Variants in EDIL3 observed in about 807,000 individuals in gnomAD.
EDIL3 encodes the protein EGF like and discoidin domains 3, also known as EGF-like repeat and discoidin I-like domain-containing protein 3.
EDIL3 carries 37 observed loss-of-function variants against 67.4 expected under a neutral mutation model. The ratio of observed to expected loss-of-function variants is 0.55; its 90% CI spans 0.42 to 0.72. EDIL3 has a LOEUF of 0.72. Ranked by LOEUF, EDIL3 falls within the 30% of genes least tolerant of loss-of-function variation. EDIL3 has a pLI of 0.00. For missense variants in EDIL3, 527 were observed against 586.3 expected, an observed-to-expected ratio of 0.90 and a Z score of 1.04; for synonymous variants, 195 against 196.3, an observed-to-expected ratio of 0.99 and a Z score of 0.05.
intron 4 of EDIL3, among the ~76,000 whole-genome samples, chr5:84,160,734 T>C (rs75823276): frequency 0.035 from 4,254 of 121,872 alleles, 90 homozygotes; most frequent in Non-Finnish European, 0.056. Context: ...TTCTTTTTTT[T>C]CTTTTCTTTT....
At chr5:84,114,154 T>G (rs1179092649) in intron 5 of EDIL3, among the ~76,000 whole-genome samples, 6 of 150,048 alleles carry the variant, frequency 4.0e-5, no homozygotes, top group Non-Finnish European at 5.9e-5. Flanking sequence ...TAAAGTTTTT[T>G]TTTTTTTTTT....
intron 1 of EDIL3, among the ~76,000 whole-genome samples, chr5:84,337,045 A>AG (rs990132830): frequency 2.6e-5 from 4 of 152,190 alleles, no homozygotes; most frequent in Admixed American, 2.0e-4. Context: ...AGAGTACACC[A>AG]GGCCAAGCAA....
intron 2 of EDIL3, among the ~76,000 whole-genome samples, chr5:84,236,555 T>C (rs1744686678): frequency 6.6e-6 from 1 of 152,086 alleles, no homozygotes. Context: ...AGATATTCCC[T>C]TCTAACCCCA....
At chr5:84,337,619 T>C (rs1401251931) in intron 1 of EDIL3, among the ~76,000 whole-genome samples, 1 of 152,090 alleles carries the variant, frequency 6.6e-6, no homozygotes, top group Non-Finnish European at 1.5e-5. Context: ...TAACAAAGAA[T>C]AAAAAATCCT....
intron 5 of EDIL3, among the ~76,000 whole-genome samples, chr5:84,126,871 C>T (rs554306656): frequency 7.2e-5 from 11 of 152,064 alleles, no homozygotes; most frequent in Non-Finnish European, 8.8e-5. Context: ...TTCTGGTAAA[C>T]GGAAAACTAT....
At position 84,164,607 on chromosome 5, in the gene EDIL3, C is replaced by T. The variant is rs117982905; in HGVS notation, c.355+15786G>A. Among the ~76,000 whole-genome samples, 129 of 152,152 alleles carry T rather than the reference C, an allele frequency of 8.5e-4. 1 individual carries two copies. In the East Asian group the frequency reaches 0.024, roughly 29 times the overall value. ...TGCAATTCACCGTGGTGTTCTCTAG[C>T]GTTCTGCTTTGGTAGTCAAACCATA... On this transcript the variant is annotated intron_variant, in intron 4 of 10. Transcript: ENST00000296591.
intron 6 of EDIL3, among the ~76,000 whole-genome samples, chr5:84,096,141 G>A (rs1471422968): frequency 6.6e-6 from 1 of 152,184 alleles, no homozygotes; most frequent in Non-Finnish European, 1.5e-5. Context: ...CAGTGCAGAA[G>A]GGAAACGGGG....
intron 1 of EDIL3, among the ~76,000 whole-genome samples, chr5:84,258,039 G>A (rs774200719): frequency 5.3e-5 from 8 of 152,160 alleles, no homozygotes; most frequent in Non-Finnish European, 1.2e-4. Context: ...ACTGTGTTGG[G>A]TGGACAGTGG....
At chr5:84,068,197 A>G (rs1054541351) in intron 6 of EDIL3, among the ~76,000 whole-genome samples, 2 of 152,176 alleles carry the variant, frequency 1.3e-5, no homozygotes, top group African/African-American at 4.8e-5. Context: ...CATCGCTATG[A>G]AAGAGTCATA....
chr5:84,180,801 TA>T (rs1404116246), intron 3 of EDIL3, among the ~76,000 whole-genome samples: 4 of 152,172 alleles, frequency 2.6e-5, no homozygotes, highest in African/African-American at 9.7e-5. Context: ...TAAGAGGTTA[TA>T]ATACAGATGA....
intron 3 of EDIL3, among the ~76,000 whole-genome samples, chr5:84,203,250 A>G (rs778837649): frequency 3.3e-5 from 5 of 152,202 alleles, no homozygotes; most frequent in African/African-American, 4.8e-5. Flanking sequence ...GATATTCTGT[A>G]GGCTGTCAAA....
intron 10 of EDIL3, among the ~76,000 whole-genome samples, chr5:83,960,701 C>A (rs1488598894): frequency 1.3e-5 from 2 of 150,758 alleles, no homozygotes; most frequent in African/African-American, 4.9e-5. Context: ...AATCCTGAAG[C>A]AATCACAAAA....
intron 2 of EDIL3, among the ~76,000 whole-genome samples, chr5:84,240,677 C>T (rs1034125205): frequency 2.0e-5 from 3 of 152,098 alleles, no homozygotes; most frequent in African/African-American, 7.2e-5. Context: ...CCCCAACCAC[C>T]GGTCCATGGA....
chr5:84,302,258 T>C (rs1399159810), intron 1 of EDIL3, among the ~76,000 whole-genome samples: 1 of 152,114 alleles, frequency 6.6e-6, no homozygotes, highest in Non-Finnish European at 1.5e-5. Context: ...TAACTAGATA[T>C]GCTTTTTTAA....
At chr5:84,334,988 G>T (rs1455641652) in intron 1 of EDIL3, among the ~76,000 whole-genome samples, 1 of 151,884 alleles carries the variant, frequency 6.6e-6, no homozygotes, top group East Asian at 1.9e-4. Context: ...TTTTTTAAAA[G>T]AATCCCATTT....
At chr5:84,252,415 A>T (rs1403192933) in intron 2 of EDIL3, among the ~76,000 whole-genome samples, 1 of 140,872 alleles carries the variant, frequency 7.1e-6, no homozygotes. Flanking sequence ...AACGGTGTGA[A>T]CCCGGGGTGC....
At chr5:84,036,270 G>A (rs1029471667) in intron 9 of EDIL3, among the ~76,000 whole-genome samples, 9 of 152,128 alleles carry the variant, frequency 5.9e-5, no homozygotes, top group African/African-American at 2.2e-4. Context: ...CACTATGAAG[G>A]ATTATTCTGC....
At chr5:84,064,439 G>A (rs115779384) in intron 8 of EDIL3, among the ~76,000 whole-genome samples, 2,166 of 152,172 alleles carry the variant, frequency 0.014, 61 homozygotes, top group African/African-American at 0.05. Flanking sequence ...CAATTTTCCC[G>A]TGAGAATTCC....
chr5:83,998,663 C>T (rs1046446467), intron 9 of EDIL3, among the ~76,000 whole-genome samples: 1 of 152,206 alleles, frequency 6.6e-6, no homozygotes, highest in Admixed American at 6.5e-5. Flanking sequence ...CCCTAGTTCC[C>T]AAATGGCATT....
Sources: allele counts gnomAD v4.1 joint callset (sites outside exome capture counted in the v4.1 genomes callset), GRCh38; gene constraint gnomAD v4.1.1; transcripts MANE v1.5; gene names NCBI Gene and HGNC (gene_info 2026-07-23, HGNC 2026-07-21).